CCT3: variants seen among roughly 807,000 people sequenced by gnomAD.
CCT3 encodes T-complex protein 1 subunit gamma.
In CCT3, 10 loss-of-function variants were observed where a neutral mutation model predicts 65.3. The observed-to-expected ratio is 0.15, with a 90% CI of 0.09 to 0.26. The LOEUF (loss-of-function observed/expected upper bound fraction) is 0.26, where lower values mean the gene tolerates loss of function less well. CCT3 is among the 10% of genes least tolerant of loss of function. The pLI is 1.00. For missense variants in CCT3, 626 were observed against 708.7 expected (o/e 0.88, Z 1.33); for synonymous variants, 225 against 242.3 (o/e 0.93, Z 0.66).
In CCT3 at chr1:156,311,044, G is replaced by A. The variant is rs2101627540; in HGVS notation, c.1307C>T (p.Pro436Leu). Residue 436 changes from proline (P) to leucine (L), a missense_variant, in exon 12 of 14, where the codon CCA becomes CTA. By Grantham distance (98) the Pro-to-Leu change is moderately conservative (BLOSUM62 -3). Transcript: ENST00000295688. ...SKAMTGVEQW[P>L]YRAVAQALEV... ...TAGGGCCTGGGCAACAGCCCTGTAT[G>A]GCCATTGTTCCACACCAGTCATGGC... The A allele has an allele frequency of 1.2e-6, 2 of 1,614,082 alleles. No individual in the cohort carries two copies. Among genetic ancestry groups the A allele is most frequent in the Non-Finnish European group, 8.5e-7 (1 of 1,180,008 alleles).
chr1:156,330,454 T>TA (rs556235794), intron 5 of CCT3, among the ~76,000 whole-genome samples: 25 of 151,876 alleles, frequency 1.6e-4, no homozygotes, highest in African/African-American at 4.6e-4. Context: ...CTGAGGTTGA[T>TA]AGAGTTTGAC....
chr1:156,316,523 A>G (rs866898363), intron 10 of CCT3, among the ~76,000 whole-genome samples: 17 of 152,340 alleles, frequency 1.1e-4, no homozygotes, highest in Admixed American at 3.3e-4. Context: ...GATCTGTGAT[A>G]TATTATGTTG....
intron 4 of CCT3, 66 bp from the exon 5 acceptor site, chr1:156,333,709 C>CAAGAG: frequency 1.6e-6 from 2 of 1,230,130 alleles, no homozygotes; most frequent in Non-Finnish European, 1.2e-6. Context: ...AAGCTTGGCC[C>CAAGAG]TAACTCTTGG....
At chr1:156,328,689 A>C (rs1664968787) in intron 5 of CCT3, among the ~76,000 whole-genome samples, 1 of 151,476 alleles carries the variant, frequency 6.6e-6, no homozygotes, top group Admixed American at 6.6e-5. Context: ...ACCACTCCCT[A>C]ATCTTAAGTA....
chr1:156,329,676 C>T (rs895229362), intron 5 of CCT3, among the ~76,000 whole-genome samples: 5 of 151,174 alleles, frequency 3.3e-5, no homozygotes, highest in Non-Finnish European at 7.4e-5. Flanking sequence ...TGGTGGCTCA[C>T]GTCTGTAATC....
In CCT3 at chr1:156,317,448, G is replaced by A. The variant is rs1326859400; in HGVS notation, c.859C>T (p.Pro287Ser). The change falls in exon 9 of 14, where the codon CCC becomes TCC. Residue 287 changes from proline to serine, a missense_variant. Coordinates refer to ENST00000295688, the MANE Select transcript of CCT3 (RefSeq NM_005998.5). ...QLCEDIIQLK[P>S]DVVITEKGIS... ...CCCTTTTCAGTGATGACCACATCGG[G>A]CTTCAGTTGGATAATGTCCTCACAG... 1 of 1,613,850 alleles carries A rather than the reference G, an allele frequency of 6.2e-7. No homozygotes were observed. The highest frequency in any genetic ancestry group is 1.7e-5 in the Admixed American group (1 of 59,994).
In CCT3 at chr1:156,312,130, C is replaced by A; in HGVS notation, c.1066G>T (p.Gly356Ter). The change falls in exon 11 of 14, where the codon GGA (glycine) becomes TGA (stop). Residue 356 changes from glycine to a stop codon, truncating the protein, a stop_gained. Transcript: ENST00000295688. LOFTEE classifies it high-confidence loss of function. ...GTGATGAAAGTAAAGTATTCATCTC[C>A]AATTTTCTTGATTTCCAACAGGCCT... ...GAGLLEIKKI[G>*]DEYFTFITDC... is the part of the protein sequence containing the mutation. 6.2e-7 allele frequency: 1 copy of A among 1,613,980 alleles called. No homozygotes were observed. Among genetic ancestry groups the A allele is most frequent in the Non-Finnish European group, 8.5e-7 (1 of 1,179,970 alleles).
intron 9 of CCT3, 38 bp from the exon 10 acceptor site, chr1:156,317,285 G>A (rs2101639542): frequency 6.2e-7 from 1 of 1,608,156 alleles, no homozygotes; most frequent in Non-Finnish European, 8.5e-7. Flanking sequence ...GCTGGGTTCT[G>A]AACTGGTTTT....
chr1:156,328,199 G>A lies in CCT3; in HGVS notation c.305-3110C>T, dbSNP rs1208816794. The stretch of plus-strand genomic sequence containing the variant: ...CAGCCGCCCCGTCCGGGAGGGAGGT[G>A]GGGGGGGTCAGTCCCCCCGTCCGGG... On this transcript the variant is annotated intron_variant, in intron 5 of 13. Transcript: ENST00000295688. Among the ~76,000 whole-genome samples the A allele has an allele frequency of 3.7e-5, 3 of 81,022 alleles. 1 individual carries two copies. In the East Asian group the frequency reaches 1.2e-3, roughly 31 times the overall value. The allele number at this position is 81,022 out of a possible 152,430, so 53.2% of individuals were successfully genotyped here.
At chr1:156,327,784 G>A (rs940379586) in intron 5 of CCT3, among the ~76,000 whole-genome samples, 2 of 147,236 alleles carry the variant, frequency 1.4e-5, no homozygotes, top group African/African-American at 5.0e-5. Flanking sequence ...CTGCCTGGCT[G>A]CCCAGTCTGG....
intron 6 of CCT3, among the ~76,000 whole-genome samples, chr1:156,323,530 T>A (rs1664660584): frequency 6.6e-6 from 1 of 152,116 alleles, no homozygotes; most frequent in African/African-American, 2.4e-5. Context: ...AGTGGTGCAA[T>A]CTCTGCTCAC....
intron 6 of CCT3, 69 bp from the exon 7 acceptor site, chr1:156,321,094 T>C (rs1347977914): frequency 8.1e-7 from 1 of 1,240,634 alleles, no homozygotes; most frequent in Non-Finnish European, 1.2e-6. Flanking sequence ...GCCTTATCTA[T>C]ACCTCAGTGA....
In CCT3 at chr1:156,324,967, G is replaced by C; in HGVS notation, c.422+5C>G. The C allele has an allele frequency of 1.3e-6, 2 of 1,586,606 alleles. No individual in the cohort carries two copies. Among genetic ancestry groups the C allele is most frequent in the East Asian group, 2.2e-5 (1 of 44,662 alleles). ...GATACTACCTATTTCTTGCCCCCAA[G>C]ATACCTTATTTTCTTTAGGGTGCTG... On this transcript the variant is annotated splice_donor_5th_base_variant and intron_variant, in intron 6 of 13. Coordinates refer to ENST00000295688, the MANE Select transcript of CCT3 (RefSeq NM_005998.5).
At chr1:156,324,153 C>T (rs577638313) in intron 6 of CCT3, among the ~76,000 whole-genome samples, 7 of 151,758 alleles carry the variant, frequency 4.6e-5, no homozygotes, top group African/African-American at 1.2e-4. Context: ...CTGAAACCTT[C>T]GCCTCCCGGG....
intron 1 of CCT3, among the ~76,000 whole-genome samples, chr1:156,336,388 T>C (rs1665357767): frequency 6.6e-6 from 1 of 152,112 alleles, no homozygotes; most frequent in Admixed American, 6.5e-5. Flanking sequence ...GGAAAGAGTT[T>C]GGGGATTCAC....
At position 156,309,533 on chromosome 1, in the gene CCT3, T is replaced by TCTA. The variant is rs1186898487; in HGVS notation, c.1534-233_1534-231dup. Reference sequence around the variant, plus strand: ...CCTCCGCCTCCCGGGTTCAAGCGATTCTACTACCTCAGCCTCCCAAGCAGC... The same window carrying TCTA: ...CCTCCGCCTCCCGGGTTCAAGCGATTCTACTACTACCTCAGCCTCCCAAGCAGC... On this transcript the variant is annotated intron_variant, in intron 13 of 13. Transcript: ENST00000295688. Among the ~76,000 whole-genome samples, 7 of 152,078 alleles carry TCTA rather than the reference T, an allele frequency of 4.6e-5. No individual in the cohort carries two copies. The East Asian group carries it at 9.8e-4, about 21-fold the overall frequency.
chr1:156,318,008 G>A (rs1664385466), intron 8 of CCT3, among the ~76,000 whole-genome samples: 1 of 151,400 alleles, frequency 6.6e-6, no homozygotes, highest in African/African-American at 2.4e-5. Flanking sequence ...CACCACGCCC[G>A]GCCAGCTCCA....
At chr1:156,312,685 AAAC>A (rs1333715328) in intron 10 of CCT3, among the ~76,000 whole-genome samples, 19 of 152,128 alleles carry the variant, frequency 1.2e-4, no homozygotes, top group East Asian at 7.7e-4. Flanking sequence ...AAACCCCAAA[AAAC>A]AACAACAAAA....
intron 4 of CCT3, 112 bp from the exon 5 acceptor site, chr1:156,333,755 A>C: frequency 1.4e-6 from 1 of 704,428 alleles, no homozygotes; most frequent in Non-Finnish European, 2.4e-6. Flanking sequence ...TTTCCCTTTA[A>C]TGTTTTACCA....
Sources: gnomAD v4.1 joint callset for allele counts (sites outside exome capture counted in the v4.1 genomes callset) on GRCh38, gnomAD v4.1.1 for gene constraint, MANE v1.5 for transcripts, NCBI Gene and HGNC (gene_info 2026-07-23, HGNC 2026-07-21) for gene names.